The following EXOC6B variants were observed in gnomAD, a reference collection of about 807,000 sequenced individuals.
EXOC6B encodes exocyst complex component 6B.
In EXOC6B, 54 loss-of-function variants were observed where a neutral mutation model predicts 113.5. The observed-to-expected ratio is 0.48, with a 90% confidence interval of 0.38 to 0.60. EXOC6B has a LOEUF of 0.60. Among genes scored for constraint, EXOC6B ranks in the 20% least tolerant of loss-of-function variants. The pLI, the probability that EXOC6B is intolerant of heterozygous loss-of-function variation, is 0.00. For synonymous variants in EXOC6B, 357 were observed against 339.0 expected (o/e 1.05, Z -0.58); for missense variants, 797 against 977.5 (o/e 0.82, Z 2.46).
chr2:72,626,002 T>C (rs1672027585), intron 6 of EXOC6B, among the ~76,000 whole-genome samples: 1 of 152,164 alleles, frequency 6.6e-6, no homozygotes, highest in Non-Finnish European at 1.5e-5. Context: ...TTTACCCTCA[T>C]TCAGAATTTA....
At chr2:72,735,332 C>T (rs1680879463) in intron 2 of EXOC6B, among the ~76,000 whole-genome samples, 1 of 152,126 alleles carries the variant, frequency 6.6e-6, no homozygotes, top group African/African-American at 2.4e-5. Context: ...GGAACACACA[C>T]ACAATTTTCA....
At chr2:72,373,602 AGAATT>A (rs1691173016) in intron 19 of EXOC6B, among the ~76,000 whole-genome samples, 3 of 152,246 alleles carry the variant, frequency 2.0e-5, no homozygotes, top group South Asian at 2.1e-4. Context: ...AATGAGCAAA[AGAATT>A]GAATAACTAT....
chr2:72,579,436 T>A (rs1300933671), intron 6 of EXOC6B, among the ~76,000 whole-genome samples: 1 of 152,142 alleles, frequency 6.6e-6, no homozygotes, highest in Non-Finnish European at 1.5e-5. Flanking sequence ...TTTAGATATT[T>A]ATTATATAAA....
At chr2:72,379,433 A>T (rs1455809994) in intron 19 of EXOC6B, among the ~76,000 whole-genome samples, 2 of 152,214 alleles carry the variant, frequency 1.3e-5, no homozygotes, top group Non-Finnish European at 2.9e-5. Flanking sequence ...CTTTGGACCA[A>T]TCAGGTTTTC....
intron 6 of EXOC6B, among the ~76,000 whole-genome samples, chr2:72,682,906 A>C (rs1051339836): frequency 6.6e-6 from 1 of 152,204 alleles, no homozygotes; most frequent in Non-Finnish European, 1.5e-5. Context: ...ATGAACCACT[A>C]TAAAAGTTCT....
intron 18 of EXOC6B, among the ~76,000 whole-genome samples, chr2:72,453,190 T>C (rs1379417841): frequency 1.3e-5 from 2 of 152,208 alleles, no homozygotes; most frequent in Non-Finnish European, 2.9e-5. Context: ...TACCTAAATT[T>C]AATCTGTAAA....
chr2:72,639,595 T>C (rs1246672327), intron 6 of EXOC6B, among the ~76,000 whole-genome samples: 1 of 152,204 alleles, frequency 6.6e-6, no homozygotes, highest in Non-Finnish European at 1.5e-5. Context: ...AACGTTATGG[T>C]TGACACCACT....
intron 5 of EXOC6B, among the ~76,000 whole-genome samples, chr2:72,730,379 A>G (rs974673378): frequency 2.6e-5 from 4 of 152,182 alleles, no homozygotes; most frequent in Non-Finnish European, 5.9e-5. Context: ...AAACCTTAAT[A>G]GGAAAAAGGC....
chr2:72,689,807 T>A (rs1273734013), intron 6 of EXOC6B, among the ~76,000 whole-genome samples: 1 of 152,190 alleles, frequency 6.6e-6, no homozygotes, highest in Non-Finnish European at 1.5e-5. Context: ...CATAGCTAGG[T>A]GCATACTCAA....
intron 1 of EXOC6B, among the ~76,000 whole-genome samples, chr2:72,812,954 AAAAC>A (rs1481822820): frequency 6.6e-6 from 1 of 152,216 alleles, no homozygotes; most frequent in African/African-American, 2.4e-5. Flanking sequence ...AGAGGGTAAA[AAAAC>A]AAGCTACAGA....
In EXOC6B at chr2:72,596,412, C is replaced by T. The variant is rs540630916; in HGVS notation, c.670-20744G>A. ...TTAAAAGTTAAAACTCTTTAAGAGG[C>T]CCAGTCTTAGGGGGGCTCCTGAGTT... On this transcript the variant is annotated intron_variant, in intron 6 of 21. Coordinates refer to ENST00000272427, the MANE Select transcript of EXOC6B (RefSeq NM_015189.3). 5.3e-5 allele frequency among the ~76,000 whole-genome samples: 8 copies of T among 152,120 alleles called. No homozygotes were observed. The East Asian group carries it at 1.6e-3, about 29-fold the overall frequency.
At chr2:72,633,457 G>A (rs1172417161) in intron 6 of EXOC6B, among the ~76,000 whole-genome samples, 1 of 152,076 alleles carries the variant, frequency 6.6e-6, no homozygotes, top group African/African-American at 2.4e-5. Context: ...CTTCCCCCAT[G>A]CCCTATATCC....
chr2:72,420,981 T>C (rs909070254), intron 18 of EXOC6B, among the ~76,000 whole-genome samples: 3 of 152,386 alleles, frequency 2.0e-5, no homozygotes, highest in Non-Finnish European at 2.9e-5. Flanking sequence ...ATTTCTCTAA[T>C]GGCCATTGAT....
intron 1 of EXOC6B, among the ~76,000 whole-genome samples, chr2:72,763,703 C>T (rs1245438471): frequency 6.6e-6 from 1 of 152,130 alleles, no homozygotes; most frequent in Non-Finnish European, 1.5e-5. Flanking sequence ...GGATTGCAGG[C>T]ATGAGCCATC....
chr2:72,424,287 T>C (rs1695083328), intron 18 of EXOC6B, among the ~76,000 whole-genome samples: 1 of 152,150 alleles, frequency 6.6e-6, no homozygotes, highest in African/African-American at 2.4e-5. Flanking sequence ...ATGCTTTTTT[T>C]TTTCATTAGA....
At chr2:72,254,082 C>A (rs1683192960) in intron 20 of EXOC6B, among the ~76,000 whole-genome samples, 1 of 151,908 alleles carries the variant, frequency 6.6e-6, no homozygotes, top group African/African-American at 2.4e-5. Context: ...ATGGTGTGAA[C>A]CCAGGAGGAG....
Position 72,353,824 on chromosome 2 carries a change from T to C in EXOC6B, c.2123-18804A>G, listed in dbSNP as rs1689811258. On this transcript the variant is annotated intron_variant, in intron 19 of 21. Transcript: ENST00000272427. The stretch of plus-strand genomic sequence containing the variant: ...CAAGTCTGGAACCAGGGTCAAGTGA[T>C]ATGAAAATAGTAATAACCACAACAT... Among the ~76,000 whole-genome samples the C allele has an allele frequency of 2.0e-5, 3 of 152,312 alleles. No individual in the cohort carries two copies. The South Asian group carries it at 6.2e-4, about 32-fold the overall frequency.
chr2:72,713,524 T>G (rs916030161), intron 6 of EXOC6B, among the ~76,000 whole-genome samples: 1 of 152,146 alleles, frequency 6.6e-6, no homozygotes, highest in African/African-American at 2.4e-5. Flanking sequence ...GCTGGTGTGC[T>G]GCACCCATTA....
intron 6 of EXOC6B, among the ~76,000 whole-genome samples, chr2:72,707,930 T>C (rs1321078055): frequency 6.6e-6 from 1 of 152,100 alleles, no homozygotes; most frequent in Non-Finnish European, 1.5e-5. Flanking sequence ...AAAATAGTTA[T>C]TGAAAGGATA....
Sources: gnomAD v4.1 joint callset for allele counts (sites outside exome capture counted in the v4.1 genomes callset) on GRCh38, gnomAD v4.1.1 for gene constraint, MANE v1.5 for transcripts, NCBI Gene and HGNC (gene_info 2026-07-23, HGNC 2026-07-21) for gene names.